The following ADCY8 variants were observed in gnomAD, a reference collection of about 807,000 sequenced individuals.
ADCY8 encodes the protein adenylate cyclase type 8.
In ADCY8, 51 loss-of-function variants were observed where a neutral mutation model predicts 119.7. The observed-to-expected ratio is 0.43, with a 90% confidence interval of 0.34 to 0.54. ADCY8 has a LOEUF of 0.54. Among genes scored for constraint, ADCY8 ranks in the 20% least tolerant of loss-of-function variants. The pLI is 0.03. For missense variants in ADCY8, 1,383 were observed against 1,598.8 expected, an observed-to-expected ratio of 0.87 and a Z score of 2.30; for synonymous variants, 665 against 651.0, an observed-to-expected ratio of 1.02 and a Z score of -0.33.
At chr8:130,855,348 G>A (rs1817693996) in intron 9 of ADCY8, among the ~76,000 whole-genome samples, 1 of 152,092 alleles carries the variant, frequency 6.6e-6, no homozygotes, top group African/African-American at 2.4e-5. Flanking sequence ...GGGTAAATGG[G>A]CTACCCAATT....
intron 7 of ADCY8, among the ~76,000 whole-genome samples, chr8:130,889,222 C>G (rs903625205): frequency 6.6e-6 from 1 of 152,090 alleles, no homozygotes; most frequent in African/African-American, 2.4e-5. Context: ...TTGTTTACTG[C>G]CATTTCTCCT....
intron 17 of ADCY8, among the ~76,000 whole-genome samples, chr8:130,782,379 T>C (rs1354772271): frequency 2.0e-5 from 3 of 152,118 alleles, no homozygotes; most frequent in African/African-American, 7.2e-5. Flanking sequence ...AACACCCAGC[T>C]TACATAGGAG....
At chr8:130,895,186 A>G (rs1035033080) in intron 7 of ADCY8, among the ~76,000 whole-genome samples, 253 of 152,274 alleles carry the variant, frequency 1.7e-3, no homozygotes, top group African/African-American at 5.9e-3. Flanking sequence ...TTCCACCTTG[A>G]CATATTTAAA....
At chr8:130,829,780 A>G (rs1816773877) in intron 12 of ADCY8, among the ~76,000 whole-genome samples, 1 of 152,254 alleles carries the variant, frequency 6.6e-6, no homozygotes, top group Non-Finnish European at 1.5e-5. Flanking sequence ...AAGTTACTCT[A>G]GCCACCCAAA....
At chr8:130,968,648 G>C (rs1821836304) in intron 2 of ADCY8, among the ~76,000 whole-genome samples, 1 of 152,182 alleles carries the variant, frequency 6.6e-6, no homozygotes, top group Non-Finnish European at 1.5e-5. Context: ...CCCACGATCA[G>C]TTTAACCTTA....
At chr8:131,020,836 C>A (rs1823643254) in intron 1 of ADCY8, among the ~76,000 whole-genome samples, 1 of 152,198 alleles carries the variant, frequency 6.6e-6, no homozygotes, top group Non-Finnish European at 1.5e-5. Context: ...GTATCAGTTT[C>A]TTCCCTTGGG....
chr8:131,008,424 C>T (rs540959368), intron 1 of ADCY8, among the ~76,000 whole-genome samples: 5 of 152,266 alleles, frequency 3.3e-5, no homozygotes, highest in African/African-American at 9.6e-5. Context: ...GTTTTATAAG[C>T]GTCTGGCATG....
intron 8 of ADCY8, among the ~76,000 whole-genome samples, chr8:130,879,257 G>T (rs1480597656): frequency 6.6e-6 from 1 of 152,144 alleles, no homozygotes; most frequent in East Asian, 1.9e-4. Flanking sequence ...AAAAGGTTAA[G>T]TTCCTCAGTG....
intron 1 of ADCY8, among the ~76,000 whole-genome samples, chr8:130,996,448 A>G (rs1187363294): frequency 6.6e-6 from 1 of 152,150 alleles, no homozygotes; most frequent in African/African-American, 2.4e-5. Flanking sequence ...GTATAATGCT[A>G]TGATAATTAA....
chr8:130,863,640 C>A (rs9942751), intron 9 of ADCY8, among the ~76,000 whole-genome samples: 63,090 of 151,774 alleles, frequency 0.42, 13,886 homozygotes, highest in African/African-American at 0.57. Flanking sequence ...TCTTTAAAAA[C>A]GTTTTTTTAG....
intron 8 of ADCY8, among the ~76,000 whole-genome samples, chr8:130,883,896 C>A (rs903070084): frequency 4.6e-5 from 7 of 152,090 alleles, no homozygotes; most frequent in Non-Finnish European, 8.8e-5. Context: ...AAGGTGTTGC[C>A]CTGAAGACTT....
At position 131,039,479 on chromosome 8, in the gene ADCY8, C is replaced by T; in HGVS notation, c.855G>A (p.Leu285=). ...GGATGGCCCAGGTGAGCGGCAGCGG[C>T]AGCATACTGTAGGTGGCGAAGAGCG... is the stretch of plus-strand genomic sequence containing the variant. The part of the protein sequence containing the change: ...LFTLFATYSM[L]PLPLTWAILA... The change falls in exon 1 of 18, where the codon CTG becomes CTA. Residue 285 remains leucine, a synonymous_variant. Transcript: ENST00000286355. 1 of 1,613,956 alleles carries T rather than the reference C, an allele frequency of 6.2e-7. No homozygotes were observed. Among genetic ancestry groups the T allele is most frequent in the East Asian group, 2.2e-5 (1 of 44,878 alleles).
At chr8:130,902,440 A>G (rs979301447) in intron 7 of ADCY8, among the ~76,000 whole-genome samples, 2 of 152,190 alleles carry the variant, frequency 1.3e-5, no homozygotes, top group East Asian at 3.8e-4. Context: ...TTAAACACTC[A>G]CAAAAGAGCT....
chr8:131,020,252 C>T (rs1823622300), intron 1 of ADCY8, among the ~76,000 whole-genome samples: 1 of 152,102 alleles, frequency 6.6e-6, no homozygotes, highest in African/African-American at 2.4e-5. Flanking sequence ...ACCCTGGTAA[C>T]ACTGTGGAAA....
At chr8:131,031,263 C>A (rs1823988600) in intron 1 of ADCY8, among the ~76,000 whole-genome samples, 2 of 152,306 alleles carry the variant, frequency 1.3e-5, no homozygotes, top group South Asian at 2.1e-4. Context: ...GCTCCCTGGG[C>A]AGGTCTGTTT....
intron 11 of ADCY8, among the ~76,000 whole-genome samples, chr8:130,842,422 A>G (rs1303018805): frequency 6.6e-6 from 1 of 152,142 alleles, no homozygotes; most frequent in Non-Finnish European, 1.5e-5. Context: ...AATTACACAT[A>G]TAGTATGCTG....
At chr8:130,808,723 C>G (rs1238282326) in intron 14 of ADCY8, among the ~76,000 whole-genome samples, 2 of 152,144 alleles carry the variant, frequency 1.3e-5, no homozygotes, top group African/African-American at 4.8e-5. Flanking sequence ...AGCTCTGACC[C>G]CAATTCAGCA....
intron 7 of ADCY8, among the ~76,000 whole-genome samples, chr8:130,888,351 T>G (rs1417208114): frequency 6.6e-6 from 1 of 152,042 alleles, no homozygotes; most frequent in Non-Finnish European, 1.5e-5. Flanking sequence ...GAAGCAGCAA[T>G]GTAATAATGT....
At chr8:131,025,400 C>T (rs1187538386) in intron 1 of ADCY8, among the ~76,000 whole-genome samples, 1 of 152,056 alleles carries the variant, frequency 6.6e-6, no homozygotes, top group Non-Finnish European at 1.5e-5. Context: ...AAGGGAAATG[C>T]TGTAACAACT....
Sources: allele counts gnomAD v4.1 joint callset (sites outside exome capture counted in the v4.1 genomes callset), GRCh38; gene constraint gnomAD v4.1.1; transcripts MANE v1.5; gene names NCBI Gene and HGNC (gene_info 2026-07-23, HGNC 2026-07-21).